Variants in GRM8 observed in about 807,000 individuals in gnomAD.
GRM8 encodes metabotropic glutamate receptor 8.
Under a neutral mutation model 87.2 loss-of-function variants are expected in GRM8, and 47 were observed. The ratio of observed to expected loss-of-function variants is 0.54; its 90% CI spans 0.43 to 0.69. The LOEUF is 0.69. Among genes scored for constraint, GRM8 ranks in the 30% least tolerant of loss-of-function variants. GRM8 has a pLI of 0.00. For missense variants in GRM8, 1,019 were observed against 1,139.2 expected, an observed-to-expected ratio of 0.89 and a Z score of 1.52; for synonymous variants, 396 against 404.5, an observed-to-expected ratio of 0.98 and a Z score of 0.25.
At chr7:126,774,470 G>A (rs1309051511) in intron 6 of GRM8, among the ~76,000 whole-genome samples, 1 of 152,184 alleles carries the variant, frequency 6.6e-6, no homozygotes, top group Non-Finnish European at 1.5e-5. Flanking sequence ...TTGTAAAGTT[G>A]TGATGTGTTT....
intron 7 of GRM8, among the ~76,000 whole-genome samples, chr7:126,729,114 C>T (rs538549646): frequency 6.6e-6 from 1 of 152,244 alleles, no homozygotes; most frequent in Non-Finnish European, 1.5e-5. Context: ...TGATTCCGTC[C>T]CCTCCCACCT....
At position 126,967,209 on chromosome 7, in the gene GRM8, T is replaced by C. The variant is rs537969849; in HGVS notation, c.728-62526A>G. The stretch of plus-strand genomic sequence containing the variant: ...CACCTTTCTCCCTTTATATATCATG[T>C]ATCAAGATTATTGGATTTGATCAAA... On this transcript the variant is annotated intron_variant, in intron 3 of 10. Coordinates refer to ENST00000339582, the MANE Select transcript of GRM8 (RefSeq NM_000845.3). 2.9e-3 allele frequency among the ~76,000 whole-genome samples: 448 copies of C among 152,284 alleles called. 1 individual carries two copies. The highest frequency in any genetic ancestry group is 5.4e-3 in the Non-Finnish European group (364 of 67,998).
intron 7 of GRM8, among the ~76,000 whole-genome samples, chr7:126,724,175 T>C (rs1439575910): frequency 6.6e-6 from 1 of 152,172 alleles, no homozygotes; most frequent in African/African-American, 2.4e-5. Context: ...CAATGAGATA[T>C]GGAAGATTAG....
At chr7:126,774,483 G>T (rs1819199967) in intron 6 of GRM8, among the ~76,000 whole-genome samples, 1 of 152,164 alleles carries the variant, frequency 6.6e-6, no homozygotes, top group Non-Finnish European at 1.5e-5. Context: ...ATGTGTTTTA[G>T]TGTATAGCTT....
At chr7:126,784,234 C>T (rs568161464) in intron 6 of GRM8, among the ~76,000 whole-genome samples, 29 of 152,222 alleles carry the variant, frequency 1.9e-4, no homozygotes, top group African/African-American at 6.3e-4. Context: ...TATTAAATCT[C>T]TCATTATTAC....
intron 7 of GRM8, among the ~76,000 whole-genome samples, chr7:126,693,990 G>A (rs1809099427): frequency 6.6e-6 from 1 of 151,622 alleles, no homozygotes; most frequent in Non-Finnish European, 1.5e-5. Flanking sequence ...TTTTAAGATA[G>A]GTCATTAGAA....
At chr7:127,143,914 G>A (rs1828409107) in intron 2 of GRM8, among the ~76,000 whole-genome samples, 1 of 152,068 alleles carries the variant, frequency 6.6e-6, no homozygotes, top group Non-Finnish European at 1.5e-5. Flanking sequence ...AAATGTGTGA[G>A]TGCTAAAAAT....
chr7:126,961,583 G>A (rs991869865), intron 3 of GRM8, among the ~76,000 whole-genome samples: 4 of 152,162 alleles, frequency 2.6e-5, no homozygotes, highest in Non-Finnish European at 4.4e-5. Context: ...TAAGTGGCCT[G>A]CTGCTGGCTC....
At chr7:126,908,142 G>C (rs767545834) in intron 3 of GRM8, among the ~76,000 whole-genome samples, 4 of 152,168 alleles carry the variant, frequency 2.6e-5, no homozygotes, top group Non-Finnish European at 5.9e-5. Context: ...AGAGAGAAGG[G>C]AATTGTAATA....
intron 6 of GRM8, among the ~76,000 whole-genome samples, chr7:126,835,085 A>AG (rs1795721379): frequency 1.7e-5 from 2 of 120,180 alleles, no homozygotes; most frequent in African/African-American, 2.9e-5. Context: ...CAAAAAAAAA[A>AG]TAAAAAAAAA....
chr7:127,023,221 C>T (rs776649439), intron 3 of GRM8, among the ~76,000 whole-genome samples: 7 of 152,098 alleles, frequency 4.6e-5, no homozygotes, highest in Non-Finnish European at 8.8e-5. Context: ...AATTATAAAA[C>T]GTTGTTTATT....
chr7:127,119,481 GTCTCTC>G (rs66684637), intron 2 of GRM8, among the ~76,000 whole-genome samples: 6 of 148,684 alleles, frequency 4.0e-5, no homozygotes, highest in African/African-American at 1.0e-4. Flanking sequence ...GCGAGATCCT[GTCTCTC>G]TCTCTCTCTC....
intron 3 of GRM8, among the ~76,000 whole-genome samples, chr7:127,001,716 T>C (rs150148247): frequency 1.1e-4 from 16 of 151,618 alleles, no homozygotes; most frequent in African/African-American, 3.6e-4. Flanking sequence ...GTAATAATCA[T>C]ATGCCAACCC....
intron 8 of GRM8, among the ~76,000 whole-genome samples, chr7:126,547,888 A>G (rs1585019114): frequency 7.2e-6 from 1 of 138,436 alleles, no homozygotes; most frequent in African/African-American, 2.6e-5. Flanking sequence ...AGAACGAAAG[A>G]AACAAAATGA....
chr7:127,087,259 T>C (rs150483601), intron 3 of GRM8, among the ~76,000 whole-genome samples: 167 of 152,344 alleles, frequency 1.1e-3, no homozygotes, highest in African/African-American at 3.8e-3. Context: ...AACTTTCAGT[T>C]TGGCTGAATT....
chr7:127,185,925 C>T (rs563505096), intron 2 of GRM8, among the ~76,000 whole-genome samples: 1 of 152,282 alleles, frequency 6.6e-6, no homozygotes, highest in African/African-American at 2.4e-5. Context: ...ATCTATTTCA[C>T]TAGGGTATTT....
chr7:126,881,513 C>T (rs1800018518), intron 6 of GRM8, among the ~76,000 whole-genome samples: 1 of 152,270 alleles, frequency 6.6e-6, no homozygotes, highest in East Asian at 1.9e-4. Flanking sequence ...GCAGAGAGTC[C>T]CAGTCATGCA....
At chr7:127,018,619 C>T (rs1423353856) in intron 3 of GRM8, among the ~76,000 whole-genome samples, 3 of 151,852 alleles carry the variant, frequency 2.0e-5, no homozygotes, top group South Asian at 2.1e-4. Flanking sequence ...CTAATTTTGC[C>T]GGCCTGCCTT....
At chr7:126,631,473 A>T (rs1362960457) in intron 7 of GRM8, among the ~76,000 whole-genome samples, 1 of 152,186 alleles carries the variant, frequency 6.6e-6, no homozygotes, top group Non-Finnish European at 1.5e-5. Flanking sequence ...CAATTTATAG[A>T]TTCAATGCTA....
Sources: allele counts gnomAD v4.1 joint callset (sites outside exome capture counted in the v4.1 genomes callset), GRCh38; gene constraint gnomAD v4.1.1; transcripts MANE v1.5; gene names NCBI Gene and HGNC (gene_info 2026-07-23, HGNC 2026-07-21).